The following SCAMP4 variants were observed in gnomAD, a reference collection of about 807,000 sequenced individuals.
SCAMP4 encodes secretory carrier membrane protein 4, also known as secretory carrier-associated membrane protein 4.
In SCAMP4, 19 loss-of-function variants were observed where a neutral mutation model predicts 32.1. The observed-to-expected ratio is 0.59, with a 90% confidence interval of 0.41 to 0.87. The LOEUF (loss-of-function observed/expected upper bound fraction) is 0.87, where lower values mean the gene tolerates loss of function less well. Ranked by LOEUF, SCAMP4 falls within the 40% of genes least tolerant of loss-of-function variation. The pLI, the probability that SCAMP4 is intolerant of heterozygous loss-of-function variation, is 0.00. For synonymous variants in SCAMP4, 152 were observed against 132.7 expected (o/e 1.15, Z -1.00); for missense variants, 302 against 309.0 (o/e 0.98, Z 0.17).
intron 1 of SCAMP4, chr19:1,911,975 C>T: frequency 7.1e-7 from 1 of 1,406,668 alleles, no homozygotes; most frequent in Non-Finnish European, 9.2e-7. Flanking sequence ...GGTGGCAGCA[C>T]GCCCTGCCTT....
intron 1 of SCAMP4, chr19:1,913,325 C>CG: frequency 9.9e-7 from 1 of 1,010,332 alleles, no homozygotes; most frequent in Non-Finnish European, 1.4e-6. Context: ...TTCCTGGACT[C>CG]GGTCATTGGG....
chr19:1,911,206 C>T (rs1169345895), intron 1 of SCAMP4, among the ~76,000 whole-genome samples: 1 of 150,568 alleles, frequency 6.6e-6, no homozygotes, highest in Non-Finnish European at 1.5e-5. Flanking sequence ...GCATCTTGCT[C>T]TGTCAGCCAG....
At chr19:1,918,635 G>C (rs540416978) in intron 4 of SCAMP4, 1 of 550,096 alleles carries the variant, frequency 1.8e-6, no homozygotes, top group South Asian at 2.3e-5. Context: ...GGTTGCGGGC[G>C]CCTATAATCC....
At chr19:1,913,600 C>T (rs1288847330) in intron 1 of SCAMP4, among the ~76,000 whole-genome samples, 3 of 152,192 alleles carry the variant, frequency 2.0e-5, no homozygotes, top group Non-Finnish European at 2.9e-5. Flanking sequence ...AGGCCCCCAG[C>T]TGCTGCCTCC....
intron 1 of SCAMP4, chr19:1,912,303 C>T: frequency 1.3e-6 from 2 of 1,562,272 alleles, no homozygotes; most frequent in Non-Finnish European, 1.7e-6. Flanking sequence ...GCACCCGCTC[C>T]CCGCCCAGCC....
chr19:1,913,301 G>T (rs966975573), intron 1 of SCAMP4: 2 of 1,222,180 alleles, frequency 1.6e-6, no homozygotes, highest in African/African-American at 1.6e-5. Flanking sequence ...GCTGCCTTCC[G>T]TGCGGATCGA....
Position 1,923,067 on chromosome 19 carries a change from C to A in SCAMP4, c.396-3C>A. 6.5e-7 allele frequency: 1 copy of A among 1,547,182 alleles called. No individual in the cohort carries two copies. Among genetic ancestry groups the A allele is most frequent in the Non-Finnish European group, 8.7e-7 (1 of 1,144,900 alleles). On this transcript the variant is annotated splice_region_variant and splice_polypyrimidine_tract_variant and intron_variant, in intron 5 of 6. Coordinates refer to ENST00000316097, the MANE Select transcript of SCAMP4 (RefSeq NM_079834.4). ...CACCCACGCACTCTCTTGTCCCTTG[C>A]AGCGGCTGGCTGTCGGCAATTGGAT...
intron 1 of SCAMP4, chr19:1,913,229 T>C: frequency 6.9e-7 from 1 of 1,452,980 alleles, no homozygotes. Context: ...CCTCGATTTC[T>C]TCCGCACAAG....
intron 2 of SCAMP4, 85 bp downstream of exon 2, chr19:1,915,111 CGTTG>C: frequency 6.5e-7 from 1 of 1,537,722 alleles, no homozygotes; most frequent in Non-Finnish European, 9.0e-7. Flanking sequence ...CGGTCCTGGC[CGTTG>C]GCAAACAGTG....
intron 1 of SCAMP4, among the ~76,000 whole-genome samples, chr19:1,910,930 G>A (rs186978199): frequency 6.6e-6 from 1 of 151,526 alleles, no homozygotes; most frequent in Non-Finnish European, 1.5e-5. Flanking sequence ...GCAGTGGCGC[G>A]ATCTCGGCTC....
At chr19:1,913,743 G>C (rs752099030) in intron 1 of SCAMP4, among the ~76,000 whole-genome samples, 16 of 152,232 alleles carry the variant, frequency 1.1e-4, no homozygotes, top group Non-Finnish European at 1.8e-4. Flanking sequence ...GGCAACAGGG[G>C]ACCCCAAAGG....
At chr19:1,917,201 G>A (rs1015309751) in intron 2 of SCAMP4, among the ~76,000 whole-genome samples, 1 of 152,206 alleles carries the variant, frequency 6.6e-6, no homozygotes, top group African/African-American at 2.4e-5. Flanking sequence ...AGCTACTTGG[G>A]AGGCTGAGGC....
rs1157659149 is a variant in SCAMP4, at chr19:1,914,993, C to T, written c.-27C>T. 1 of 1,613,782 alleles carries T rather than the reference C, an allele frequency of 6.2e-7. No individual in the cohort carries two copies. The highest frequency in any genetic ancestry group is 1.1e-5 in the South Asian group (1 of 91,086). On this transcript the variant is annotated 5_prime_UTR_variant, in exon 2 of 7. Coordinates refer to ENST00000316097, the MANE Select transcript of SCAMP4 (RefSeq NM_079834.4). ...CTTCCTTCCAGGCGGCTGCAGGCTTCAGCCTGCGCTGGTTGGTGAAACAGA... is the reference window on the plus strand; with the variant it reads ...CTTCCTTCCAGGCGGCTGCAGGCTTTAGCCTGCGCTGGTTGGTGAAACAGA...
chr19:1,922,564 C>T (rs1441335348), intron 5 of SCAMP4: 1 of 985,432 alleles, frequency 1.0e-6, no homozygotes, highest in Non-Finnish European at 1.2e-6. Context: ...TCCCTCAGTG[C>T]CCACCGGGTG....
intron 1 of SCAMP4, among the ~76,000 whole-genome samples, chr19:1,907,592 C>CTG (rs2013199229): frequency 6.6e-6 from 1 of 152,106 alleles, no homozygotes. Flanking sequence ...GCCTCCTCAT[C>CTG]TGTGGGCTTA....
intron 5 of SCAMP4, chr19:1,920,433 C>T: frequency 1.6e-6 from 1 of 613,682 alleles, no homozygotes; most frequent in Non-Finnish European, 2.0e-6. Flanking sequence ...CTGCAGGCCT[C>T]TCCCCTCCTG....
chr19:1,918,934 A>G lies in SCAMP4; in HGVS notation c.339A>G (p.Gly113=). 6.2e-7 allele frequency: 1 copy of G among 1,612,408 alleles called. No homozygotes were observed. The highest frequency in any genetic ancestry group is 8.5e-7 in the Non-Finnish European group (1 of 1,179,342). The change falls in exon 5 of 7, where the codon GGA becomes GGG. Residue 113 remains glycine, a synonymous_variant. Transcript: ENST00000316097. ...TCATGGCGTTTTTCTTCATCTTCGG[A>G]GCCCAGTTTGTCCTGACCGTCATCC... ...FNFMAFFFIF[G]AQFVLTVIQA... is the part of the protein sequence containing the mutation.
chr19:1,917,675 G>A lies in SCAMP4; in HGVS notation c.8-19G>A. ...AGAGACAAAGTCTGGTTCTGTCCGTGGGTTCTCTGTCCCTACAGAAAAGGA... is the reference window on the plus strand; with the variant it reads ...AGAGACAAAGTCTGGTTCTGTCCGTAGGTTCTCTGTCCCTACAGAAAAGGA... On this transcript the variant is annotated intron_variant, in intron 2 of 6. Coordinates refer to ENST00000316097, the MANE Select transcript of SCAMP4 (RefSeq NM_079834.4). 1 of 1,613,692 alleles carries A rather than the reference G, an allele frequency of 6.2e-7. No homozygotes were observed. The highest frequency in any genetic ancestry group is 8.5e-7 in the Non-Finnish European group (1 of 1,179,784).
At chr19:1,920,452 C>T in intron 5 of SCAMP4, 1 of 632,172 alleles carries the variant, frequency 1.6e-6, no homozygotes, top group Non-Finnish European at 2.0e-6. Flanking sequence ...TGCACCTGCG[C>T]CTGGCGCCAG....
Sources: gnomAD v4.1 joint callset for allele counts (sites outside exome capture counted in the v4.1 genomes callset) on GRCh38, gnomAD v4.1.1 for gene constraint, MANE v1.5 for transcripts, NCBI Gene and HGNC (gene_info 2026-07-23, HGNC 2026-07-21) for gene names.